Variants in ZNF93 observed in about 807,000 individuals in gnomAD.
ZNF93 encodes zinc finger protein 505.
A neutral mutation model predicts 45.0 loss-of-function variants in ZNF93; 29 were observed. The observed-to-expected ratio is 0.64, with a 90% confidence interval of 0.48 to 0.88. The LOEUF (loss-of-function observed/expected upper bound fraction) is 0.88. ZNF93 is among the 40% of genes least tolerant of loss of function. The pLI, the probability that ZNF93 is intolerant of heterozygous loss-of-function variation, is 0.00. For missense variants in ZNF93, 578 were observed against 724.0 expected (o/e 0.80, Z 2.31); for synonymous variants, 223 against 244.6 (o/e 0.91, Z 0.82).
intron 2 of ZNF93, among the ~76,000 whole-genome samples, chr19:19,916,069 C>CTTTT (rs769502324): frequency 1.4e-5 from 2 of 138,516 alleles, no homozygotes; most frequent in Non-Finnish European, 3.1e-5. Flanking sequence ...TTTCTTTTTC[C>CTTTT]TTTTTTTTTT....
In ZNF93 at chr19:19,934,713, C is replaced by G. The variant is rs1157752494; in HGVS notation, c.1758C>G (p.Ile586Met). The change falls in exon 4 of 4, where the codon ATC becomes ATG. Residue 586 changes from isoleucine (I) to methionine (M), a missense_variant. Transcript: ENST00000343769. ...CAACCCTTTCTTCACATAAGAAAATCCATTCTGGAGAGAAACCATACGAGT... is the reference window on the plus strand; with the variant it reads ...CAACCCTTTCTTCACATAAGAAAATGCATTCTGGAGAGAAACCATACGAGT... ...HSATLSSHKK[I>M]HSGEKPYECD... 2 of 1,612,286 alleles carry G rather than the reference C, an allele frequency of 1.2e-6. No homozygotes were observed. Among genetic ancestry groups the G allele is most frequent in the Non-Finnish European group, 1.7e-6 (2 of 1,179,356 alleles).
intron 3 of ZNF93, among the ~76,000 whole-genome samples, chr19:19,924,306 G>A (rs570570449): frequency 6.8e-4 from 104 of 152,202 alleles, no homozygotes; most frequent in African/African-American, 2.4e-3. Flanking sequence ...GGTAAGGCTG[G>A]TCGGAAACTC....
At chr19:19,914,361 A>G (rs2063317772) in intron 1 of ZNF93, among the ~76,000 whole-genome samples, 1 of 152,240 alleles carries the variant, frequency 6.6e-6, no homozygotes, top group South Asian at 2.1e-4. Flanking sequence ...TAAAATTACT[A>G]CTAAAAATTA....
chr19:19,915,514 T>A, intron 2 of ZNF93, 108 bp downstream of exon 2: 1 of 1,395,692 alleles, frequency 7.2e-7, no homozygotes, highest in Non-Finnish European at 9.6e-7. Flanking sequence ...GAGTTTCAGA[T>A]CCATTTTTTC....
At position 19,934,105 on chromosome 19, in the gene ZNF93, C is replaced by T; in HGVS notation, c.1150C>T (p.Leu384=). ...CGKAFIWSSV[L]TRHKRVHTGE... is the part of the protein sequence containing the mutation. Reference sequence around the variant, plus strand: ...CAAAGCCTTCATTTGGTCCTCAGTCCTAACTAGACATAAGAGAGTTCATAC... The same window carrying T: ...CAAAGCCTTCATTTGGTCCTCAGTCTTAACTAGACATAAGAGAGTTCATAC... The change falls in exon 4 of 4, where the codon CTA becomes TTA. Residue 384 remains leucine, a synonymous_variant. Coordinates refer to ENST00000343769, the MANE Select transcript of ZNF93 (RefSeq NM_031218.4). 1.2e-6 allele frequency: 2 copies of T among 1,610,784 alleles called. No individual in the cohort carries two copies. The highest frequency in any genetic ancestry group is 1.1e-5 in the South Asian group (1 of 90,938).
intron 3 of ZNF93, among the ~76,000 whole-genome samples, chr19:19,922,569 G>T (rs2063345021): frequency 6.6e-6 from 1 of 152,122 alleles, no homozygotes; most frequent in Admixed American, 6.6e-5. Flanking sequence ...TCACTTTCAG[G>T]TACACTAATC....
Position 19,922,986 on chromosome 19 carries a change from G to C in ZNF93, c.226+6331G>C, listed in dbSNP as rs191725586. ...TGTTCCATTGCTGGTGAGGAGCTGT[G>C]TTCCTTTGGAGGGGGAGAGGCACTC... On this transcript the variant is annotated intron_variant, in intron 3 of 3. Coordinates refer to ENST00000343769, the MANE Select transcript of ZNF93 (RefSeq NM_031218.4). 1.7e-4 allele frequency among the ~76,000 whole-genome samples: 26 copies of C among 152,304 alleles called. No homozygotes were observed. In the East Asian group the frequency reaches 4.0e-3, roughly 24 times the overall value.
At chr19:19,925,602 A>G (rs1200612037) in intron 3 of ZNF93, among the ~76,000 whole-genome samples, 3 of 152,244 alleles carry the variant, frequency 2.0e-5, no homozygotes, top group African/African-American at 7.2e-5. Context: ...TAGAATTTGC[A>G]TGGTATGCCT....
chr19:19,917,707 G>C (rs1296234081), intron 3 of ZNF93, among the ~76,000 whole-genome samples: 1 of 151,938 alleles, frequency 6.6e-6, no homozygotes, highest in African/African-American at 2.4e-5. Flanking sequence ...GTAGAGATGG[G>C]GTTTCACCAT....
intron 1 of ZNF93, among the ~76,000 whole-genome samples, chr19:19,902,921 A>C (rs1315037966): frequency 6.6e-6 from 1 of 151,562 alleles, no homozygotes. Context: ...AAATTTTTTT[A>C]ATAGAGACGG....
chr19:19,934,019 C>T lies in ZNF93; in HGVS notation c.1064C>T (p.Thr355Ile). The change falls in exon 4 of 4, where the codon ACC becomes ATC. Residue 355 changes from threonine (T) to isoleucine (I), a missense_variant. Physicochemically the swap from Thr to Ile is moderately conservative, Grantham distance 89. Transcript: ENST00000343769. ...GGCAAAGCCTTTATTGCATCCTCAA[C>T]CCTTAGTAGACATGAGTTCATTCAT... ...KCGKAFIASS[T>I]LSRHEFIHMG... 6.2e-7 allele frequency: 1 copy of T among 1,612,854 alleles called. No homozygotes were observed. Among genetic ancestry groups the T allele is most frequent in the Non-Finnish European group, 8.5e-7 (1 of 1,179,532 alleles).
At chr19:19,914,884 C>T (rs923180291) in intron 1 of ZNF93, 15 of 324,818 alleles carry the variant, frequency 4.6e-5, no homozygotes, top group East Asian at 2.1e-4. Flanking sequence ...AAAAAACCCC[C>T]GCATAACAAG....
At chr19:19,914,168 G>T (rs906690874) in intron 1 of ZNF93, among the ~76,000 whole-genome samples, 1 of 152,154 alleles carries the variant, frequency 6.6e-6, no homozygotes, top group East Asian at 1.9e-4. Flanking sequence ...GATTCCTATT[G>T]GGGAAAACTG....
At chr19:19,910,166 C>T (rs185454938) in intron 1 of ZNF93, among the ~76,000 whole-genome samples, 2 of 152,200 alleles carry the variant, frequency 1.3e-5, no homozygotes, top group East Asian at 1.9e-4. Flanking sequence ...CTACTCCAGT[C>T]GTTCAGGCCC....
Position 19,933,916 on chromosome 19 carries a change from G to C in ZNF93, c.961G>C (p.Ala321Pro), listed in dbSNP as rs199791216. 1 of 1,612,898 alleles carries C rather than the reference G, an allele frequency of 6.2e-7. No individual in the cohort carries two copies. The highest frequency in any genetic ancestry group is 1.3e-5 in the African/African-American group (1 of 74,854). ...CTACGTTTGTGAAGAATGTGGCAAAGCCTTTAAGTACTCCCGTATCCTTAC... is the reference window on the plus strand; with the variant it reads ...CTACGTTTGTGAAGAATGTGGCAAACCCTTTAAGTACTCCCGTATCCTTAC... The part of the protein sequence containing the change: ...KPYVCEECGK[A>P]FKYSRILTTH... The change falls in exon 4 of 4, where the codon GCC (alanine) becomes CCC (proline). Residue 321 changes from alanine to proline, a missense_variant. By Grantham distance (27) the Ala-to-Pro change is conservative. Transcript: ENST00000343769.
At position 19,916,673 on chromosome 19, in the gene ZNF93, T is replaced by C. The variant is rs2063325238; in HGVS notation, c.226+18T>C. The C allele has an allele frequency of 1.3e-6, 2 of 1,578,892 alleles. No homozygotes were observed. The highest frequency in any genetic ancestry group is 8.6e-7 in the Non-Finnish European group (1 of 1,157,778). On this transcript the variant is annotated intron_variant, in intron 3 of 3. Coordinates refer to ENST00000343769, the MANE Select transcript of ZNF93 (RefSeq NM_031218.4). ...CCCCTCAGGTAGGTGTGAGTGAAAA[T>C]GAATACAACAGACAACACAGTAAGA...
At chr19:19,916,473 T>C in intron 2 of ZNF93, 87 bp from the exon 3 acceptor site, 1 of 1,019,094 alleles carries the variant, frequency 9.8e-7, no homozygotes, top group Non-Finnish European at 1.5e-6. Flanking sequence ...CTAGAATATT[T>C]TATCACATCG....
chr19:19,920,677 G>A (rs2063340513), intron 3 of ZNF93, among the ~76,000 whole-genome samples: 2 of 152,274 alleles, frequency 1.3e-5, no homozygotes, highest in Non-Finnish European at 2.9e-5. Flanking sequence ...TCTTGGGAGG[G>A]TGTATGTGTT....
chr19:19,929,067 G>A (rs1038596414), intron 3 of ZNF93, among the ~76,000 whole-genome samples: 1 of 152,090 alleles, frequency 6.6e-6, no homozygotes, highest in African/African-American at 2.4e-5. Flanking sequence ...GAATGGCTTG[G>A]TACATCCTCT....
Sources: gnomAD v4.1 joint callset for allele counts (sites outside exome capture counted in the v4.1 genomes callset) on GRCh38, gnomAD v4.1.1 for gene constraint, MANE v1.5 for transcripts, NCBI Gene and HGNC (gene_info 2026-07-23, HGNC 2026-07-21) for gene names.